ARHGAP15: variants seen among roughly 807,000 people sequenced by gnomAD.
ARHGAP15 encodes Rho GTPase activating protein 15, also known as rho GTPase-activating protein 15.
A neutral mutation model predicts 63.7 loss-of-function variants in ARHGAP15; 51 were observed. That is an observed-to-expected ratio of 0.80 (90% CI 0.64 to 1.01). The LOEUF (loss-of-function observed/expected upper bound fraction) is 1.01, where lower values mean the gene tolerates loss of function less well. ARHGAP15 is among the 50% of genes least tolerant of loss of function. The pLI, the probability that ARHGAP15 is intolerant of heterozygous loss-of-function variation, is 0.00. For synonymous variants in ARHGAP15, 191 were observed against 193.8 expected (o/e 0.99, Z 0.12); for missense variants, 560 against 564.6 (o/e 0.99, Z 0.08).
chr2:143,612,062 C>T (rs1029147749), intron 11 of ARHGAP15, among the ~76,000 whole-genome samples: 2 of 152,182 alleles, frequency 1.3e-5, no homozygotes, highest in African/African-American at 4.8e-5. Context: ...TCGTGAAATA[C>T]AGTCTGGATA....
chr2:143,435,181 T>C (rs944840234), intron 6 of ARHGAP15: 1 of 842,596 alleles, frequency 1.2e-6, no homozygotes. Flanking sequence ...TAAAAGGAAA[T>C]CAAATATAGA....
At chr2:143,149,250 T>A (rs1689717883) in intron 1 of ARHGAP15, among the ~76,000 whole-genome samples, 1 of 151,966 alleles carries the variant, frequency 6.6e-6, no homozygotes, top group Admixed American at 6.6e-5. Flanking sequence ...CCTTCGCTCC[T>A]CGTGGTGGAC....
At chr2:143,289,321 C>T (rs1682273576) in intron 6 of ARHGAP15, among the ~76,000 whole-genome samples, 1 of 152,174 alleles carries the variant, frequency 6.6e-6, no homozygotes, top group Admixed American at 6.6e-5. Context: ...TGATTTCTTA[C>T]TGTGCAACAG....
intron 3 of ARHGAP15, among the ~76,000 whole-genome samples, chr2:143,206,509 T>C (rs1692335681): frequency 6.6e-6 from 1 of 152,108 alleles, no homozygotes; most frequent in Non-Finnish European, 1.5e-5. Context: ...CTAGGAAGGA[T>C]TTCTCTAATT....
intron 1 of ARHGAP15, among the ~76,000 whole-genome samples, chr2:143,139,504 A>T (rs1689276182): frequency 6.6e-6 from 1 of 152,108 alleles, no homozygotes; most frequent in African/African-American, 2.4e-5. Flanking sequence ...TTAAGGCTTT[A>T]GGGTGATAGT....
At chr2:143,508,765 C>T (rs967745710) in intron 9 of ARHGAP15, among the ~76,000 whole-genome samples, 1 of 152,154 alleles carries the variant, frequency 6.6e-6, no homozygotes, top group African/African-American at 2.4e-5. Flanking sequence ...CTTTAAGATG[C>T]AAATTTCTTC....
At chr2:143,255,479 CTT>C (rs1012980806) in intron 6 of ARHGAP15, among the ~76,000 whole-genome samples, 1 of 152,038 alleles carries the variant, frequency 6.6e-6, no homozygotes, top group African/African-American at 2.4e-5. Context: ...GTATATTAAA[CTT>C]TTTTATGTAA....
chr2:143,420,622 G>T (rs527844763), intron 6 of ARHGAP15, among the ~76,000 whole-genome samples: 3 of 152,290 alleles, frequency 2.0e-5, no homozygotes, highest in Admixed American at 6.5e-5. Context: ...TTACCAAGAA[G>T]TCTTTGGAGT....
rs1162318820 is a variant in ARHGAP15, at chr2:143,206,835, AAAT to A, written c.234+4636_234+4638del. On this transcript the variant is annotated intron_variant, in intron 3 of 13. Transcript: ENST00000295095. ...TATGAAGAGCTGGATTATTTTGTAA[AAAT>A]AACACATAAAAAGTTTGCTCTGAAG... Among the ~76,000 whole-genome samples, 5 of 152,210 alleles carry A rather than the reference AAAT, an allele frequency of 3.3e-5. No individual in the cohort carries two copies. The East Asian group carries it at 9.7e-4, about 29-fold the overall frequency.
chr2:143,304,117 G>T (rs1683052858), intron 6 of ARHGAP15, among the ~76,000 whole-genome samples: 1 of 152,028 alleles, frequency 6.6e-6, no homozygotes, highest in Non-Finnish European at 1.5e-5. Context: ...TATACTTAAA[G>T]GATTATAAAT....
In ARHGAP15 at chr2:143,133,014, A is replaced by C. The variant is rs17809535; in HGVS notation, c.-15+3548A>C. On this transcript the variant is annotated intron_variant, in intron 1 of 13. Coordinates refer to ENST00000295095, the MANE Select transcript of ARHGAP15 (RefSeq NM_018460.4). ...CAAATACAATTTGTCAAGTACCATA[A>C]GAAGATACAGAGAATGCTCTATTAG... is the stretch of plus-strand genomic sequence containing the variant. 3.7e-3 allele frequency among the ~76,000 whole-genome samples: 557 copies of C among 152,354 alleles called. 2 individuals carry two copies. Among genetic ancestry groups the C allele is most frequent in the Non-Finnish European group, 5.9e-3 (400 of 68,036 alleles).
At chr2:143,413,958 T>C (rs534001400) in intron 6 of ARHGAP15, among the ~76,000 whole-genome samples, 46 of 70,304 alleles carry the variant, frequency 6.5e-4, no homozygotes, top group Admixed American at 2.1e-3. Flanking sequence ...TGTGTGTGTG[T>C]GTGTGTGTGC....
intron 12 of ARHGAP15, among the ~76,000 whole-genome samples, chr2:143,658,934 TCACTGAA>T: frequency 6.6e-6 from 1 of 152,276 alleles, no homozygotes; most frequent in East Asian, 1.9e-4. Context: ...CTATAATAGA[TCACTGAA>T]CAATACCAGA....
intron 8 of ARHGAP15, among the ~76,000 whole-genome samples, chr2:143,444,311 C>T (rs545628306): frequency 6.6e-6 from 1 of 152,138 alleles, no homozygotes; most frequent in Non-Finnish European, 1.5e-5. Flanking sequence ...AAAAAAAGAT[C>T]TTTGGTATCC....
intron 6 of ARHGAP15, among the ~76,000 whole-genome samples, chr2:143,413,962 T>TGCGCGCGC (rs1337258046): frequency 8.2e-4 from 49 of 59,598 alleles, no homozygotes; most frequent in Admixed American, 3.1e-3. Flanking sequence ...TGTGTGTGTG[T>TGCGCGCGC]GTGTGCGCGC....
chr2:143,659,926 T>G (rs1437725909), intron 12 of ARHGAP15, among the ~76,000 whole-genome samples: 1 of 152,068 alleles, frequency 6.6e-6, no homozygotes, highest in Non-Finnish European at 1.5e-5. Context: ...AAGTAATAAG[T>G]GGGTGTTCAT....
Position 143,499,461 on chromosome 2 carries a change from C to T in ARHGAP15, c.826+11966C>T, listed in dbSNP as rs529222029. Among the ~76,000 whole-genome samples, 12 of 152,290 alleles carry T rather than the reference C, an allele frequency of 7.9e-5. No homozygotes were observed. The South Asian group carries it at 2.3e-3, about 29-fold the overall frequency. ...TTTCATAGAAACACTTGTGAACAGA[C>T]TTCAGTAGTGTGGGAGTTTTTTCTT... On this transcript the variant is annotated intron_variant, in intron 9 of 13. Transcript: ENST00000295095.
chr2:143,255,669 C>T (rs1438299897), intron 6 of ARHGAP15, among the ~76,000 whole-genome samples: 1 of 151,800 alleles, frequency 6.6e-6, no homozygotes, highest in Non-Finnish European at 1.5e-5. Flanking sequence ...TGCTTTTATC[C>T]ATTTCCTTGT....
intron 9 of ARHGAP15, among the ~76,000 whole-genome samples, chr2:143,510,018 TAAAAAAAAAA>T (rs35469918): frequency 0.022 from 1,083 of 48,856 alleles, 17 homozygotes; most frequent in African/African-American, 0.08. Context: ...GACTCCCTCT[TAAAAAAAAAA>T]AAAAAAAAAA....
Sources: gnomAD v4.1 joint callset for allele counts (sites outside exome capture counted in the v4.1 genomes callset) on GRCh38, gnomAD v4.1.1 for gene constraint, MANE v1.5 for transcripts, NCBI Gene and HGNC (gene_info 2026-07-23, HGNC 2026-07-21) for gene names.